HSPA12A: variants seen among roughly 807,000 people sequenced by gnomAD.
HSPA12A encodes heat shock 70 kDa protein 12A.
A neutral mutation model predicts 69.2 loss-of-function variants in HSPA12A; 28 were observed. That is an observed-to-expected ratio of 0.40 (90% CI 0.30 to 0.55). HSPA12A has a LOEUF of 0.55. Ranked by LOEUF, HSPA12A falls within the 20% of genes least tolerant of loss-of-function variation. The pLI, the probability that HSPA12A is intolerant of heterozygous loss-of-function variation, is 0.38. For missense variants in HSPA12A, 686 were observed against 900.7 expected (o/e 0.76, Z 3.05); for synonymous variants, 345 against 370.5 (o/e 0.93, Z 0.79).
At chr10:116,729,258 C>T (rs564720736) in intron 1 of HSPA12A, among the ~76,000 whole-genome samples, 4 of 152,316 alleles carry the variant, frequency 2.6e-5, no homozygotes, top group East Asian at 3.9e-4. Flanking sequence ...AGAGCCCCAG[C>T]GTACAGGCTG....
At chr10:116,755,289 G>A (rs1422185487) in intron 2 of HSPA12A, among the ~76,000 whole-genome samples, 2 of 152,052 alleles carry the variant, frequency 1.3e-5, no homozygotes, top group African/African-American at 4.8e-5. Context: ...GATGCGAGGA[G>A]TACAACTGAA....
intron 2 of HSPA12A, among the ~76,000 whole-genome samples, chr10:116,778,682 G>T (rs1447596294): frequency 6.6e-6 from 1 of 152,194 alleles, no homozygotes; most frequent in Non-Finnish European, 1.5e-5. Context: ...CAGGAGGATC[G>T]CTTGAGCCCA....
chr10:116,831,985 T>C (rs1222252006), intron 2 of HSPA12A: 1 of 152,016 alleles, frequency 6.6e-6, no homozygotes, highest in Non-Finnish European at 1.5e-5. Context: ...ATAGACAAGA[T>C]AGGCGTCAGA....
chr10:116,777,461 C>A (rs567435125), intron 2 of HSPA12A, among the ~76,000 whole-genome samples: 1 of 152,228 alleles, frequency 6.6e-6, no homozygotes, highest in African/African-American at 2.4e-5. Flanking sequence ...TCCTGCCCCA[C>A]CTGGTGCCTC....
intron 3 of HSPA12A, among the ~76,000 whole-genome samples, chr10:116,701,587 G>A (rs1283097302): frequency 6.6e-6 from 1 of 152,230 alleles, no homozygotes; most frequent in Non-Finnish European, 1.5e-5. Flanking sequence ...GATGCCCAAG[G>A]TGCCAGCTGG....
intron 4 of HSPA12A, among the ~76,000 whole-genome samples, chr10:116,699,792 C>T (rs1554881369): frequency 1.2e-4 from 18 of 152,230 alleles, no homozygotes; most frequent in Non-Finnish European, 2.6e-4. Flanking sequence ...CATCCTGATA[C>T]TCAGCATTGA....
chr10:116,803,310 C>T (rs1385037050), intron 2 of HSPA12A, among the ~76,000 whole-genome samples: 1 of 152,182 alleles, frequency 6.6e-6, no homozygotes, highest in Admixed American at 6.5e-5. Context: ...TACCCAAACA[C>T]GCTGGCATGG....
chr10:116,784,860 T>C (rs1844543515), intron 2 of HSPA12A, among the ~76,000 whole-genome samples: 1 of 152,134 alleles, frequency 6.6e-6, no homozygotes, highest in Non-Finnish European at 1.5e-5. Context: ...AACGCTAACC[T>C]CGGAGCTGTC....
intron 2 of HSPA12A, among the ~76,000 whole-genome samples, chr10:116,816,783 G>A (rs929790141): frequency 6.6e-6 from 1 of 152,120 alleles, no homozygotes; most frequent in Admixed American, 6.5e-5. Context: ...TGGAGCCCTC[G>A]CCAGTTTCTG....
chr10:116,803,606 C>T (rs570192676), intron 2 of HSPA12A, among the ~76,000 whole-genome samples: 10 of 152,324 alleles, frequency 6.6e-5, no homozygotes, highest in African/African-American at 2.4e-4. Context: ...ATGCGCTCTT[C>T]CACCAGAGAA....
intron 2 of HSPA12A, among the ~76,000 whole-genome samples, chr10:116,757,955 A>T (rs1169932154): frequency 6.6e-6 from 1 of 152,240 alleles, no homozygotes; most frequent in Non-Finnish European, 1.5e-5. Context: ...GCACTAACAT[A>T]TCAATAGGAG....
At chr10:116,824,777 A>C (rs774270157) in intron 2 of HSPA12A, among the ~76,000 whole-genome samples, 9 of 152,102 alleles carry the variant, frequency 5.9e-5, no homozygotes, top group Non-Finnish European at 1.0e-4. Flanking sequence ...GGGACTATAG[A>C]TGCGCACCGC....
At position 116,671,556 on chromosome 10, in the gene HSPA12A, C is replaced by G. The variant is rs1327648896; in HGVS notation, c.*3225G>C. 5.2e-5 allele frequency: 8 copies of G among 152,584 alleles called. No homozygotes were observed. Among genetic ancestry groups the G allele is most frequent in the African/African-American group, 1.9e-4 (8 of 41,438 alleles). 9.5% of individuals were successfully genotyped at this position (152,584 alleles called of 1,614,324 possible). On this transcript the variant is annotated 3_prime_UTR_variant, in exon 12 of 12. Coordinates refer to ENST00000369209, the MANE Select transcript of HSPA12A (RefSeq NM_025015.3). ...TTGCTACCCTGGCAATTAACCAGAC[C>G]TGGACTCTAAAAGCTAAACTTGGTC... is the stretch of plus-strand genomic sequence containing the variant.
chr10:116,750,401 G>C, intron 2 of HSPA12A: 1 of 695,712 alleles, frequency 1.4e-6, no homozygotes, highest in East Asian at 2.7e-5. Context: ...AGGGAGCACA[G>C]ATGGAGGCTT....
chr10:116,816,373 C>T (rs987517843), intron 2 of HSPA12A, among the ~76,000 whole-genome samples: 9 of 152,262 alleles, frequency 5.9e-5, no homozygotes, highest in Admixed American at 3.3e-4. Flanking sequence ...ACCCCGCATA[C>T]GGGGCAGAGA....
intron 1 of HSPA12A, among the ~76,000 whole-genome samples, chr10:116,713,152 T>C (rs1375607801): frequency 4.0e-5 from 6 of 150,418 alleles, no homozygotes; most frequent in African/African-American, 1.5e-4. Flanking sequence ...TGAAAACTGA[T>C]CAGCTCAAGG....
At chr10:116,836,169 C>G (rs536186445) in intron 1 of HSPA12A, among the ~76,000 whole-genome samples, 2 of 152,132 alleles carry the variant, frequency 1.3e-5, no homozygotes, top group Non-Finnish European at 2.9e-5. Flanking sequence ...TGGGCCCAGG[C>G]TGGTTGTTTA....
chr10:116,719,399 C>G (rs569722108), intron 1 of HSPA12A, among the ~76,000 whole-genome samples: 5 of 152,244 alleles, frequency 3.3e-5, no homozygotes, highest in Non-Finnish European at 5.9e-5. Context: ...CACCAGCACA[C>G]AGATGCAGCC....
intron 1 of HSPA12A, among the ~76,000 whole-genome samples, chr10:116,718,739 A>C (rs143818723): frequency 2.0e-5 from 3 of 152,186 alleles, no homozygotes; most frequent in Non-Finnish European, 2.9e-5. Flanking sequence ...CATCTAAAGC[A>C]GATTTTTTCT....
Sources: gnomAD v4.1 joint callset for allele counts (sites outside exome capture counted in the v4.1 genomes callset) on GRCh38, gnomAD v4.1.1 for gene constraint, MANE v1.5 for transcripts, NCBI Gene and HGNC (gene_info 2026-07-23, HGNC 2026-07-21) for gene names.